SS18: variants seen among roughly 807,000 people sequenced by gnomAD.
SS18 encodes SS18 subunit of BAF chromatin remodeling complex.
Under a neutral mutation model 72.5 loss-of-function variants are expected in SS18, and 28 were observed. The ratio of observed to expected loss-of-function variants is 0.39; its 90% CI spans 0.29 to 0.53. SS18 has a LOEUF of 0.53. Ranked by LOEUF, SS18 falls within the 20% of genes least tolerant of loss-of-function variation. SS18 has a pLI of 0.76. For missense variants in SS18, 518 were observed against 535.3 expected (o/e 0.97, Z 0.32); for synonymous variants, 172 against 164.2 (o/e 1.05, Z -0.37).
chr18:26,048,365 C>A (rs1428368357), intron 5 of SS18, among the ~76,000 whole-genome samples: 1 of 152,070 alleles, frequency 6.6e-6, no homozygotes, highest in Non-Finnish European at 1.5e-5. Flanking sequence ...GTGAAAATGG[C>A]TTTGTTGTAT....
At chr18:26,070,346 A>G (rs562252808) in intron 3 of SS18, among the ~76,000 whole-genome samples, 1 of 152,276 alleles carries the variant, frequency 6.6e-6, no homozygotes, top group East Asian at 1.9e-4. Flanking sequence ...TATAAATTTT[A>G]TGTCTATTTC....
rs2054318526 is a variant in SS18, at chr18:26,072,015, A to C, written c.231+6061T>G. Among the ~76,000 whole-genome samples the C allele has an allele frequency of 2.0e-5, 3 of 152,260 alleles. No individual in the cohort carries two copies. The South Asian group carries it at 6.2e-4, about 32-fold the overall frequency. ...GGTCATAAATGAAAGGAGGAACAGA[A>C]AGCATCAGAAATGGTAAGTAACTAT... On this transcript the variant is annotated intron_variant, in intron 3 of 10. Transcript: ENST00000415083.
At chr18:26,037,831 T>C (rs981884429) in intron 7 of SS18, among the ~76,000 whole-genome samples, 6 of 152,112 alleles carry the variant, frequency 3.9e-5, no homozygotes, top group South Asian at 2.1e-4. Context: ...TACAGAAAAA[T>C]TGATGAAACT....
intron 5 of SS18, among the ~76,000 whole-genome samples, chr18:26,043,298 T>C (rs2053761481): frequency 6.6e-6 from 1 of 152,040 alleles, no homozygotes; most frequent in Non-Finnish European, 1.5e-5. Context: ...CTATCTCCCA[T>C]GAAAAGAGTT....
intron 10 of SS18, among the ~76,000 whole-genome samples, chr18:26,024,128 G>T (rs1032322565): frequency 6.6e-6 from 1 of 152,160 alleles, no homozygotes; most frequent in Non-Finnish European, 1.5e-5. Flanking sequence ...TATCTTAAAT[G>T]TACTGAATAG....
chr18:26,018,612 T>C (rs961558320), intron 10 of SS18, among the ~76,000 whole-genome samples: 2 of 152,184 alleles, frequency 1.3e-5, no homozygotes, highest in Non-Finnish European at 1.5e-5. Context: ...GATTAGCAAA[T>C]GAGCCTAGAA....
At chr18:26,081,123 G>C (rs1300035060) in intron 2 of SS18, 2 of 148,686 alleles carry the variant, frequency 1.3e-5, no homozygotes, top group Non-Finnish European at 1.5e-5. Context: ...AATTTTAATT[G>C]GCCTTTTCTA....
chr18:26,039,732 G>A (rs2143889536), intron 5 of SS18, among the ~76,000 whole-genome samples: 1 of 152,222 alleles, frequency 6.6e-6, no homozygotes, highest in East Asian at 1.9e-4. Flanking sequence ...TATAATATAT[G>A]AACATCCTGA....
rs60999827 is a variant in SS18 at position 26,060,771 on chromosome 18, C to CAAAAAAAAA, written c.232-3038_232-3030dup. ...GAAACTCTGTCTCTACTAAAAATAC[C>CAAAAAAAAA]AAAAAAAAAAAAAAAAAAAAAAAAA... On this transcript the variant is annotated intron_variant, in intron 3 of 10. Coordinates refer to ENST00000415083, the MANE Select transcript of SS18 (RefSeq NM_001007559.3). 1.7e-3 allele frequency among the ~76,000 whole-genome samples: 67 copies of CAAAAAAAAA among 39,606 alleles called. 19 individuals are homozygous for CAAAAAAAAA. Among genetic ancestry groups the CAAAAAAAAA allele is most frequent in the Non-Finnish European group, 2.4e-3 (43 of 17,612 alleles). The allele number at this position is 39,606 out of a possible 152,430, so 26.0% of individuals were successfully genotyped here.
intron 3 of SS18, among the ~76,000 whole-genome samples, chr18:26,062,522 C>T (rs887448588): frequency 1.3e-5 from 2 of 152,044 alleles, no homozygotes; most frequent in Non-Finnish European, 2.9e-5. Flanking sequence ...AAAATACCTG[C>T]CTTGTAAGAC....
rs945170377 is a variant in SS18, at chr18:26,052,784, G to A, written c.447C>T (p.Ser149=). ...GPNQLNMTNS[S]MNMPSSSHGS... ...CATGGCTACTTGAAGGCATATTCAT[G>A]GAACTGTTTGTCATATTGAGTTGAT... The change falls in exon 5 of 11, where the codon TCC becomes TCT. Residue 149 remains serine (S), a synonymous_variant. Coordinates refer to ENST00000415083, the MANE Select transcript of SS18 (RefSeq NM_001007559.3). 6.2e-7 allele frequency: 1 copy of A among 1,614,148 alleles called. No homozygotes were observed. Among genetic ancestry groups the A allele is most frequent in the Admixed American group, 1.7e-5 (1 of 60,026 alleles).
intron 3 of SS18, among the ~76,000 whole-genome samples, chr18:26,060,771 C>CAAAAAAAAAAAAAAAAGAAA: frequency 2.5e-5 from 1 of 39,606 alleles, no homozygotes. Flanking sequence ...CTAAAAATAC[C>CAAAAAAAAAAAAAAAAGAAA]AAAAAAAAAA....
chr18:26,045,654 A>G (rs750488449), intron 5 of SS18, among the ~76,000 whole-genome samples: 6 of 152,116 alleles, frequency 3.9e-5, no homozygotes, highest in African/African-American at 9.7e-5. Flanking sequence ...AGCATTTCCC[A>G]AAGTGTCTAT....
At chr18:26,052,589 G>A (rs377666462) in intron 5 of SS18, 35 bp downstream of exon 5, 1 of 1,524,742 alleles carries the variant, frequency 6.6e-7, no homozygotes, top group Non-Finnish European at 9.1e-7. Flanking sequence ...GGCTAATAGA[G>A]CACTCTAGTC....
intron 3 of SS18, among the ~76,000 whole-genome samples, chr18:26,070,302 C>G (rs1451715101): frequency 2.6e-5 from 4 of 152,088 alleles, no homozygotes; most frequent in African/African-American, 7.2e-5. Context: ...CTAAATGGAG[C>G]CAGAGTAGTG....
intron 4 of SS18, among the ~76,000 whole-genome samples, chr18:26,056,759 A>G (rs2054029695): frequency 6.6e-6 from 1 of 152,222 alleles, no homozygotes; most frequent in African/African-American, 2.4e-5. Context: ...ATCAATGAAA[A>G]TAACTTTTGT....
chr18:26,088,679 GCAAGTCA>G (rs1212847190), intron 1 of SS18, among the ~76,000 whole-genome samples: 11 of 152,090 alleles, frequency 7.2e-5, no homozygotes, highest in Non-Finnish European at 8.8e-5. Flanking sequence ...GCCATTTTGA[GCAAGTCA>G]CTTAAGTTTT....
At chr18:26,050,190 G>A (rs1307108550) in intron 5 of SS18, among the ~76,000 whole-genome samples, 1 of 150,938 alleles carries the variant, frequency 6.6e-6, no homozygotes, top group Non-Finnish European at 1.5e-5. Flanking sequence ...AGCCGAGACT[G>A]CACTTCTGCA....
chr18:26,016,712 A>G lies in SS18; in HGVS notation c.*1642T>C, dbSNP rs1598514460. 23 of 213,330 alleles carry G rather than the reference A, an allele frequency of 1.1e-4. No individual in the cohort carries two copies. In the East Asian group the frequency reaches 1.6e-3, roughly 15 times the overall value. The allele number at this position is 213,330 out of a possible 1,614,324, so 13.2% of individuals were successfully genotyped here. On this transcript the variant is annotated 3_prime_UTR_variant, in exon 11 of 11. Coordinates refer to ENST00000415083, the MANE Select transcript of SS18 (RefSeq NM_001007559.3). ...CACTCCAGCCTGGGCGACAAGAGCA[A>G]GACTCCATCTCAAAAAAAAAAACAA... is the stretch of plus-strand genomic sequence containing the variant.
Sources: allele counts gnomAD v4.1 joint callset (sites outside exome capture counted in the v4.1 genomes callset), GRCh38; gene constraint gnomAD v4.1.1; transcripts MANE v1.5; gene names NCBI Gene and HGNC (gene_info 2026-07-23, HGNC 2026-07-21).